The following NCAPD2 variants were observed in gnomAD, a reference collection of about 807,000 sequenced individuals.
NCAPD2 encodes the protein non-SMC condensin I complex subunit D2, also known as condensin complex subunit 1.
In NCAPD2, 100 loss-of-function variants were observed where a neutral mutation model predicts 164.5. The observed-to-expected ratio is 0.61, with a 90% CI of 0.52 to 0.72. The LOEUF (loss-of-function observed/expected upper bound fraction) is 0.72, where lower values mean the gene tolerates loss of function less well. Among genes scored for constraint, NCAPD2 ranks in the 30% least tolerant of loss-of-function variants. NCAPD2 has a pLI of 0.00. For missense variants in NCAPD2, 1,560 were observed against 1,749.2 expected (o/e 0.89, Z 1.93); for synonymous variants, 585 against 642.6 (o/e 0.91, Z 1.36).
At chr12:6,503,134 C>T (rs149108063) in intron 2 of NCAPD2, among the ~76,000 whole-genome samples, 2,047 of 151,008 alleles carry the variant, frequency 0.014, 47 homozygotes, top group African/African-American at 0.047. Flanking sequence ...GGATTACAGG[C>T]GTGAGCCACC....
At chr12:6,500,386 C>T (rs1424100216) in intron 2 of NCAPD2, among the ~76,000 whole-genome samples, 1 of 152,168 alleles carries the variant, frequency 6.6e-6, no homozygotes, top group East Asian at 1.9e-4. Context: ...AGGAAATAAA[C>T]TATGCAGATT....
chr12:6,495,149 G>C lies in NCAPD2; in HGVS notation c.51G>C (p.Leu17Phe). Residue 17 changes from leucine (L) to phenylalanine (F), a missense_variant, in exon 2 of 32, where the codon TTG (leucine) becomes TTC (phenylalanine). Coordinates refer to ENST00000315579, the MANE Select transcript of NCAPD2 (RefSeq NM_014865.4). ...ATCTGCCATTATCCCCAGAGGAGTT[G>C]TTGAAAAGTGGAGGGGTGAATCAGT... ...EFHLPLSPEE[L>F]LKSGGVNQYV... 9 of 1,614,164 alleles carry C rather than the reference G, an allele frequency of 5.6e-6. No individual in the cohort carries two copies. The highest frequency in any genetic ancestry group is 7.6e-6 in the Non-Finnish European group (9 of 1,180,016).
chr12:6,516,877 T>C lies in NCAPD2; in HGVS notation c.1037T>C (p.Leu346Pro), dbSNP rs779481219. ...AVLAAMAEMV[L>P]QVLSGDQLEA... ...CTGGCAGCCATGGCGGAGATGGTGC[T>C]GCAGGTTCTCAGTGGCGATCAACTG... is the stretch of plus-strand genomic sequence containing the variant. The change falls in exon 10 of 32, where the codon CTG (leucine) becomes CCG (proline). Residue 346 changes from leucine to proline, a missense_variant. Physicochemically the swap from Leu to Pro is moderately conservative, Grantham distance 98 (BLOSUM62 -3). Transcript: ENST00000315579. 3 of 1,614,172 alleles carry C rather than the reference T, an allele frequency of 1.9e-6. No individual in the cohort carries two copies. The highest frequency in any genetic ancestry group is 1.7e-6 in the Non-Finnish European group (2 of 1,180,036).
intron 6 of NCAPD2, among the ~76,000 whole-genome samples, chr12:6,511,836 T>C (rs1157787064): frequency 6.6e-6 from 1 of 151,142 alleles, no homozygotes; most frequent in African/African-American, 2.4e-5. Context: ...ATATGAAAAT[T>C]AGCTGTGCAT....
chr12:6,517,089 C>T, intron 10 of NCAPD2, 64 bp downstream of exon 10: 1 of 1,553,658 alleles, frequency 6.4e-7, no homozygotes, highest in Non-Finnish European at 8.9e-7. Flanking sequence ...AAAGAGGAAT[C>T]CAGTGTTGAA....
At chr12:6,503,202 A>G (rs1417848027) in intron 2 of NCAPD2, among the ~76,000 whole-genome samples, 1 of 152,118 alleles carries the variant, frequency 6.6e-6, no homozygotes, top group Non-Finnish European at 1.5e-5. Flanking sequence ...TTTAAAAAGC[A>G]TGACAGAGAA....
chr12:6,518,811 G>A (rs959839443), intron 13 of NCAPD2, among the ~76,000 whole-genome samples: 3 of 151,740 alleles, frequency 2.0e-5, no homozygotes, highest in Non-Finnish European at 2.9e-5. Flanking sequence ...GTGAGCCACC[G>A]CACTCGGCTG....
At chr12:6,512,304 TAGATAGAC>T (rs1458536510) in intron 6 of NCAPD2, among the ~76,000 whole-genome samples, 4 of 145,542 alleles carry the variant, frequency 2.7e-5, no homozygotes, top group African/African-American at 1.0e-4. Flanking sequence ...GATAGATAGA[TAGATAGAC>T]AGACAGACAA....
rs1565547977 is a variant in NCAPD2, at chr12:6,529,548, CAGAG to C, written c.3611_3614del (p.Glu1204AlafsTer63). The C allele has an allele frequency of 1.7e-5, 28 of 1,614,024 alleles. No homozygotes were observed. Among genetic ancestry groups the C allele is most frequent in the Non-Finnish European group, 2.3e-5 (27 of 1,180,016 alleles). On this transcript the variant is annotated frameshift_variant, in exon 28 of 32. Transcript: ENST00000315579. LOFTEE classifies it high-confidence loss of function. ...TCCTACATCACCAAGGACAAGCAGA[CAGAG>C]AGCCTGGTGGAAAAGCTGTGTCAGC... is the stretch of plus-strand genomic sequence containing the variant.
intron 2 of NCAPD2, among the ~76,000 whole-genome samples, chr12:6,501,835 TAAAG>T (rs551510243): frequency 6.6e-6 from 1 of 152,104 alleles, no homozygotes; most frequent in Non-Finnish European, 1.5e-5. Flanking sequence ...GGACGCTAAA[TAAAG>T]AGAGTGTTTC....
intron 4 of NCAPD2, 87 bp downstream of exon 4, chr12:6,510,220 C>A: frequency 1.5e-6 from 2 of 1,369,444 alleles, no homozygotes; most frequent in South Asian, 1.2e-5. Context: ...TACATTTTGT[C>A]AGCCACATGA....
Position 6,530,017 on chromosome 12 carries a change from C to T in NCAPD2, c.3837+59C>T, listed in dbSNP as rs555506509. On this transcript the variant is annotated intron_variant, in intron 29 of 31. Coordinates refer to ENST00000315579, the MANE Select transcript of NCAPD2 (RefSeq NM_014865.4). The stretch of plus-strand genomic sequence containing the variant: ...GTTCTGGGCTGGCTAAGACATCTGC[C>T]GGCCCTGGGCAGCATACGGCTCTTG... 9.8e-6 allele frequency: 15 copies of T among 1,535,198 alleles called. 1 individual carries two copies. The South Asian group carries it at 1.2e-4, about 13-fold the overall frequency.
rs1184702897 is a variant in NCAPD2, at chr12:6,512,290, AAAAGAT to A, written c.587+1040_587+1045del. Reference sequence around the variant, plus strand: ...CCATCTCCAAAAAAAAAAAAAAAAAAAAAGATAGATAGATAGATAGACAGACAGACA... The same window carrying A: ...CCATCTCCAAAAAAAAAAAAAAAAAAAGATAGATAGATAGACAGACAGACA... On this transcript the variant is annotated intron_variant, in intron 6 of 31. Coordinates refer to ENST00000315579, the MANE Select transcript of NCAPD2 (RefSeq NM_014865.4). Among the ~76,000 whole-genome samples, 77 of 143,078 alleles carry A rather than the reference AAAAGAT, an allele frequency of 5.4e-4. No homozygotes were observed. The South Asian group carries it at 0.014, about 26-fold the overall frequency. The allele number at this position is 143,078 out of a possible 152,430, so 93.9% of individuals were successfully genotyped here.
At chr12:6,500,210 C>T (rs766152179) in intron 2 of NCAPD2, among the ~76,000 whole-genome samples, 2 of 152,010 alleles carry the variant, frequency 1.3e-5, no homozygotes, top group African/African-American at 2.4e-5. Flanking sequence ...ATTGTTAAGG[C>T]CAGGAGTTCA....
chr12:6,514,524 T>C lies in NCAPD2; in HGVS notation c.776T>C (p.Val259Ala), dbSNP rs989028406. 4.3e-6 allele frequency: 7 copies of C among 1,614,118 alleles called. No individual in the cohort carries two copies. The African/African-American group carries it at 8.0e-5, about 18-fold the overall frequency. The change falls in exon 8 of 32, where the codon GTT becomes GCT. Residue 259 changes from valine to alanine, a missense_variant. By Grantham distance (64) the Val-to-Ala change is moderately conservative. Coordinates refer to ENST00000315579, the MANE Select transcript of NCAPD2 (RefSeq NM_014865.4). The part of the protein sequence containing the change: ...QHFEHLAPVL[V>A]AAVSLWATDY... ...TTTGAACACCTGGCACCTGTACTGG[T>C]TGCAGCCGTGAGTCTATGGGCAACT...
chr12:6,506,612 A>G (rs1399440417), intron 2 of NCAPD2, among the ~76,000 whole-genome samples: 2 of 151,758 alleles, frequency 1.3e-5, no homozygotes, highest in East Asian at 3.9e-4. Context: ...AAAGACATAT[A>G]TATTTTATGG....
intron 2 of NCAPD2, among the ~76,000 whole-genome samples, chr12:6,506,888 T>A (rs1043706161): frequency 6.6e-6 from 1 of 152,062 alleles, no homozygotes; most frequent in Admixed American, 6.6e-5. Context: ...CTGAAAAAAA[T>A]TAGCATATTA....
At chr12:6,523,794 A>G (rs1453970478) in intron 17 of NCAPD2, among the ~76,000 whole-genome samples, 1 of 152,240 alleles carries the variant, frequency 6.6e-6, no homozygotes, top group East Asian at 1.9e-4. Flanking sequence ...CTTTAAAGGA[A>G]CCAACAGTCT....
intron 6 of NCAPD2, among the ~76,000 whole-genome samples, chr12:6,513,985 G>A (rs1028324764): frequency 6.6e-6 from 1 of 151,994 alleles, no homozygotes; most frequent in Non-Finnish European, 1.5e-5. Flanking sequence ...AAAGTGCTGG[G>A]ATTACAGGCA....
Sources: allele counts gnomAD v4.1 joint callset (sites outside exome capture counted in the v4.1 genomes callset), GRCh38; gene constraint gnomAD v4.1.1; transcripts MANE v1.5; gene names NCBI Gene and HGNC (gene_info 2026-07-23, HGNC 2026-07-21).